The following EPHB1 variants were observed in gnomAD, a reference collection of about 807,000 sequenced individuals.
The protein encoded by EPHB1 is EPH receptor B1, also known as ephrin type-B receptor 1.
A neutral mutation model predicts 94.4 loss-of-function variants in EPHB1; 30 were observed. The ratio of observed to expected loss-of-function variants is 0.32; its 90% CI spans 0.24 to 0.43. The LOEUF is 0.43. Among genes scored for constraint, EPHB1 ranks in the 20% least tolerant of loss-of-function variants. EPHB1 has a pLI of 1.00. For missense variants in EPHB1, 1,055 were observed against 1,308.3 expected (o/e 0.81, Z 2.99); for synonymous variants, 522 against 489.1 (o/e 1.07, Z -0.89).
intron 11 of EPHB1, among the ~76,000 whole-genome samples, chr3:135,201,057 A>G (rs2107712821): frequency 6.6e-6 from 1 of 151,904 alleles, no homozygotes; most frequent in Middle Eastern, 3.4e-3. Flanking sequence ...GAGTTTGGAG[A>G]TTTTCCTTAA....
intron 3 of EPHB1, among the ~76,000 whole-genome samples, chr3:135,010,561 T>G (rs13088009): frequency 2.3e-5 from 1 of 44,122 alleles, no homozygotes; most frequent in African/African-American, 4.0e-4. Flanking sequence ...TTTTTCTGTT[T>G]TTTTTTTTTT....
chr3:135,161,243 G>A (rs916251741), intron 6 of EPHB1, among the ~76,000 whole-genome samples: 2 of 152,220 alleles, frequency 1.3e-5, no homozygotes, highest in Non-Finnish European at 2.9e-5. Flanking sequence ...GACAGGGACT[G>A]TAGAGGTCAG....
chr3:134,978,081 A>G, intron 3 of EPHB1: 1 of 433,000 alleles, frequency 2.3e-6, no homozygotes, highest in Non-Finnish European at 4.6e-6. Context: ...GAAGCAGGTG[A>G]CTTGCTTGTG....
At chr3:135,166,798 G>A in intron 8 of EPHB1, 144 bp from the exon 9 acceptor site, 4 of 743,756 alleles carry the variant, frequency 5.4e-6, no homozygotes, top group Non-Finnish European at 9.1e-6. Context: ...TGCAGCAGGA[G>A]GGCTGAAGTG....
At chr3:135,011,098 A>G (rs769286800) in intron 3 of EPHB1, among the ~76,000 whole-genome samples, 17 of 152,160 alleles carry the variant, frequency 1.1e-4, no homozygotes, top group Non-Finnish European at 2.1e-4. Flanking sequence ...CTATTTGTGT[A>G]CATGGGGTTG....
chr3:134,844,549 C>T (rs569765159), intron 1 of EPHB1, among the ~76,000 whole-genome samples: 1 of 152,328 alleles, frequency 6.6e-6, no homozygotes, highest in Admixed American at 6.5e-5. Flanking sequence ...TATGGCATAA[C>T]CAACCACTCC....
rs757165345 is a variant in EPHB1, at chr3:135,238,542, C to T, written c.2347-2606C>T. On this transcript the variant is annotated intron_variant, in intron 12 of 15. Transcript: ENST00000398015. ...GCAGAGGAGGACACTCTCAGACTCC[C>T]AAATCACCTCTTTGAAATTCAGAAG... Among the ~76,000 whole-genome samples the T allele has an allele frequency of 6.4e-4, 97 of 152,296 alleles. 1 individual carries two copies. The highest frequency in any genetic ancestry group is 3.4e-3 in the Middle Eastern group (1 of 294).
At position 135,132,614 on chromosome 3, in the gene EPHB1, C is replaced by T. The variant is rs529992208; in HGVS notation, c.962-100C>T. On this transcript the variant is annotated intron_variant, in intron 4 of 15. Transcript: ENST00000398015. ...GGTTGAGGAAGGAGTGGGAGGCGAG[C>T]GCACTGATGAGGTTGGGAATGCACC... 5.6e-5 allele frequency: 58 copies of T among 1,029,240 alleles called. 1 individual carries two copies. In the East Asian group the frequency reaches 1.1e-3, roughly 19 times the overall value. 63.8% of individuals were successfully genotyped at this position (1,029,240 alleles called of 1,614,324 possible).
At chr3:134,849,737 A>G (rs1458653495) in intron 1 of EPHB1, among the ~76,000 whole-genome samples, 1 of 152,206 alleles carries the variant, frequency 6.6e-6, no homozygotes, top group Middle Eastern at 3.2e-3. Context: ...CAGTGGTACC[A>G]GCCCTCGCAT....
chr3:135,195,210 T>C (rs1942564187), intron 11 of EPHB1, among the ~76,000 whole-genome samples: 1 of 152,016 alleles, frequency 6.6e-6, no homozygotes, highest in South Asian at 2.1e-4. Flanking sequence ...CACTGCTTGA[T>C]TTGGGGACTG....
chr3:135,259,238 C>A lies in EPHB1; in HGVS notation c.*118C>A. On this transcript the variant is annotated 3_prime_UTR_variant, in exon 16 of 16. Coordinates refer to ENST00000398015, the MANE Select transcript of EPHB1 (RefSeq NM_004441.5). ...GGCTTCTCAGCTGAGGAATGCATTTCCATCAGTGAAGAATCAACCGGACCT... is the reference window on the plus strand; with the variant it reads ...GGCTTCTCAGCTGAGGAATGCATTTACATCAGTGAAGAATCAACCGGACCT... 1 of 757,128 alleles carries A rather than the reference C, an allele frequency of 1.3e-6. No individual in the cohort carries two copies. Among genetic ancestry groups the A allele is most frequent in the Non-Finnish European group, 2.1e-6 (1 of 468,164 alleles). 46.9% of individuals were successfully genotyped at this position (757,128 alleles called of 1,614,324 possible). A position where few individuals can be genotyped will look rare whatever the true frequency, so the allele number is the denominator to read the frequency against.
intron 1 of EPHB1, among the ~76,000 whole-genome samples, chr3:134,835,431 T>G (rs1168580323): frequency 6.6e-6 from 1 of 152,212 alleles, no homozygotes; most frequent in African/African-American, 2.4e-5. Flanking sequence ...TATGCACATG[T>G]GAACATGACA....
chr3:134,841,151 G>A (rs1179858420), intron 1 of EPHB1, among the ~76,000 whole-genome samples: 1 of 152,164 alleles, frequency 6.6e-6, no homozygotes, highest in Non-Finnish European at 1.5e-5. Context: ...ATGCTGCTGT[G>A]GGACTGGTGG....
intron 4 of EPHB1, among the ~76,000 whole-genome samples, chr3:135,113,458 T>C (rs554037373): frequency 1.3e-5 from 2 of 152,340 alleles, no homozygotes; most frequent in East Asian, 3.9e-4. Flanking sequence ...TCACAGATTG[T>C]TGACACTCTG....
chr3:134,994,931 T>C (rs966174643), intron 3 of EPHB1, among the ~76,000 whole-genome samples: 1 of 152,166 alleles, frequency 6.6e-6, no homozygotes, highest in African/African-American at 2.4e-5. Context: ...AATCAGGAAA[T>C]TAACTTTGAT....
intron 1 of EPHB1, among the ~76,000 whole-genome samples, chr3:134,876,994 C>T (rs2037629649): frequency 6.6e-6 from 1 of 152,126 alleles, no homozygotes; most frequent in Non-Finnish European, 1.5e-5. Context: ...TGAATCCTAC[C>T]ACACGCCCCA....
chr3:134,883,875 C>T (rs1412450978), intron 1 of EPHB1, among the ~76,000 whole-genome samples: 1 of 152,178 alleles, frequency 6.6e-6, no homozygotes, highest in Non-Finnish European at 1.5e-5. Flanking sequence ...CTCTTAGGTA[C>T]CTTCTTGGTG....
At chr3:135,168,053 A>T (rs1941699688) in intron 9 of EPHB1, among the ~76,000 whole-genome samples, 1 of 152,220 alleles carries the variant, frequency 6.6e-6, no homozygotes, top group Non-Finnish European at 1.5e-5. Flanking sequence ...TGATGACAGG[A>T]TGTTCACAGC....
chr3:135,245,442 A>G (rs530340954), intron 13 of EPHB1, among the ~76,000 whole-genome samples: 2 of 149,310 alleles, frequency 1.3e-5, no homozygotes, highest in East Asian at 2.0e-4. Flanking sequence ...TGGCTGTTTG[A>G]TGTCCTCTTA....
Sources: allele counts gnomAD v4.1 joint callset (sites outside exome capture counted in the v4.1 genomes callset), GRCh38; gene constraint gnomAD v4.1.1; transcripts MANE v1.5; gene names NCBI Gene and HGNC (gene_info 2026-07-23, HGNC 2026-07-21).